The following SHC4 variants were observed in gnomAD, a reference collection of about 807,000 sequenced individuals.
The protein encoded by SHC4 is SHC adaptor protein 4, also known as SHC-transforming protein 4.
A neutral mutation model predicts 69.4 loss-of-function variants in SHC4; 41 were observed. That is an observed-to-expected ratio of 0.59 (90% CI 0.46 to 0.77). The LOEUF (loss-of-function observed/expected upper bound fraction) is 0.77, where lower values mean the gene tolerates loss of function less well. SHC4 is among the 30% of genes least tolerant of loss of function. SHC4 has a pLI of 0.00. For missense variants in SHC4, 777 were observed against 783.8 expected (o/e 0.99, Z 0.10); for synonymous variants, 318 against 299.3 (o/e 1.06, Z -0.64).
At chr15:48,861,908 T>C (rs1264607269) in intron 6 of SHC4, among the ~76,000 whole-genome samples, 1 of 152,252 alleles carries the variant, frequency 6.6e-6, no homozygotes, top group Admixed American at 6.5e-5. Flanking sequence ...TTACTACTTT[T>C]ATATTTGTTC....
chr15:48,878,208 A>G (rs573071902), intron 4 of SHC4: 3 of 1,588,804 alleles, frequency 1.9e-6, no homozygotes, highest in South Asian at 1.1e-5. Flanking sequence ...TCCGAGCTGT[A>G]TGAAGAGAGC....
At chr15:48,835,064 T>A (rs1002801038) in intron 10 of SHC4, 42 bp from the exon 11 acceptor site, 1 of 1,563,204 alleles carries the variant, frequency 6.4e-7, no homozygotes, top group Non-Finnish European at 8.7e-7. Flanking sequence ...GAGTTACCTC[T>A]TCATCCATCC....
chr15:48,858,921 A>T (rs1899383430), intron 6 of SHC4, among the ~76,000 whole-genome samples: 1 of 152,218 alleles, frequency 6.6e-6, no homozygotes, highest in African/African-American at 2.4e-5. Flanking sequence ...ATGGGCTTAA[A>T]GGAGTGCATG....
chr15:48,856,465 T>C (rs1899318502), intron 7 of SHC4, among the ~76,000 whole-genome samples: 1 of 152,190 alleles, frequency 6.6e-6, no homozygotes, highest in Admixed American at 6.5e-5. Context: ...TATTCTTGAG[T>C]ATCTCCAGCA....
intron 2 of SHC4, among the ~76,000 whole-genome samples, chr15:48,894,621 T>G (rs1900191434): frequency 6.6e-6 from 1 of 152,154 alleles, no homozygotes; most frequent in Admixed American, 6.5e-5. Flanking sequence ...CCAGATTTCC[T>G]TTTTCAGTTT....
At chr15:48,870,685 A>G (rs1024083628) in intron 5 of SHC4, among the ~76,000 whole-genome samples, 3 of 152,168 alleles carry the variant, frequency 2.0e-5, no homozygotes, top group Non-Finnish European at 2.9e-5. Context: ...CTCAAAAAAA[A>G]AAAAAGCATG....
chr15:48,913,427 C>T (rs370078738), intron 2 of SHC4, among the ~76,000 whole-genome samples: 13 of 151,998 alleles, frequency 8.6e-5, no homozygotes, highest in South Asian at 2.1e-4. Context: ...ACCGAAGGTC[C>T]GGTTTAACTC....
chr15:48,843,902 G>A (rs1263677843), intron 9 of SHC4, among the ~76,000 whole-genome samples: 6 of 151,860 alleles, frequency 4.0e-5, no homozygotes. Context: ...AGGGCTGATA[G>A]TCTCAGCAAA....
chr15:48,955,000 C>A (rs372302154), intron 1 of SHC4, among the ~76,000 whole-genome samples: 1 of 152,198 alleles, frequency 6.6e-6, no homozygotes, highest in East Asian at 1.9e-4. Context: ...GAAATGGGAA[C>A]AGCCTGTACT....
intron 6 of SHC4, among the ~76,000 whole-genome samples, chr15:48,863,259 C>T (rs1172147137): frequency 1.3e-5 from 2 of 152,020 alleles, no homozygotes; most frequent in Admixed American, 1.3e-4. Flanking sequence ...TCAATAACCA[C>T]TAGGAACATT....
At chr15:48,841,330 A>G (rs1002636748) in intron 10 of SHC4, among the ~76,000 whole-genome samples, 2 of 152,226 alleles carry the variant, frequency 1.3e-5, no homozygotes, top group Non-Finnish European at 2.9e-5. Flanking sequence ...GACATTTCCC[A>G]TTGCACAGTT....
rs1175854122 is a variant in SHC4, at chr15:48,824,503, A to T, written c.*1468T>A. The T allele has an allele frequency of 6.6e-6, 1 of 152,164 alleles. No individual in the cohort carries two copies. Among genetic ancestry groups the T allele is most frequent in the Non-Finnish European group, 1.5e-5 (1 of 68,020 alleles). The allele number at this position is 152,164 out of a possible 1,614,324, so 9.4% of individuals were successfully genotyped here. ...TACTCAAACCAAATCCACTTTTATCATCATTCCCTATATTCCAAAGTTTCA... is the reference window on the plus strand; with the variant it reads ...TACTCAAACCAAATCCACTTTTATCTTCATTCCCTATATTCCAAAGTTTCA... On this transcript the variant is annotated 3_prime_UTR_variant, in exon 12 of 12. Coordinates refer to ENST00000332408, the MANE Select transcript of SHC4 (RefSeq NM_203349.4).
intron 1 of SHC4, among the ~76,000 whole-genome samples, chr15:48,948,713 C>T (rs1901315527): frequency 6.6e-6 from 1 of 152,024 alleles, no homozygotes; most frequent in Non-Finnish European, 1.5e-5. Flanking sequence ...TGAGACCAGC[C>T]TGGGCAACAT....
intron 1 of SHC4, among the ~76,000 whole-genome samples, chr15:48,960,175 C>G (rs531330814): frequency 2.6e-5 from 4 of 152,266 alleles, no homozygotes; most frequent in Admixed American, 2.0e-4. Flanking sequence ...ATGGTGCCCC[C>G]ATTAAAAATC....
intron 1 of SHC4, among the ~76,000 whole-genome samples, chr15:48,935,131 C>T (rs1259243742): frequency 6.6e-6 from 1 of 152,102 alleles, no homozygotes; most frequent in Non-Finnish European, 1.5e-5. Flanking sequence ...AAAAGGAATC[C>T]AAACAAGCAA....
intron 1 of SHC4, chr15:48,946,503 C>G: frequency 1.2e-6 from 1 of 841,424 alleles, no homozygotes; most frequent in Non-Finnish European, 1.4e-6. Context: ...TCCTCTCCCT[C>G]TCCTCTTCCT....
At chr15:48,876,045 T>C (rs1899792365) in intron 4 of SHC4, among the ~76,000 whole-genome samples, 1 of 152,106 alleles carries the variant, frequency 6.6e-6, no homozygotes, top group Admixed American at 6.5e-5. Context: ...AGTTTTTGAG[T>C]TAAGAGAGCT....
Position 48,962,438 on chromosome 15 carries a change from C to G in SHC4, c.578G>C (p.Cys193Ser), listed in dbSNP as rs374414360. ...AGAGGAAAATGGACTTACCCTCACA[C>G]AGTAGTTCATGCCCATCCCCAACAG... ...QHLLGMGMNYCVRYMGCVEVL... is the reference protein window; with the variant it reads ...QHLLGMGMNYSVRYMGCVEVL... Residue 193 changes from cysteine (C) to serine (S), a missense_variant, in exon 1 of 12, where the codon TGT becomes TCT. Cys to Ser is a moderately radical substitution (Grantham distance 112, BLOSUM62 -1). Transcript: ENST00000332408. 1.3e-6 allele frequency: 2 copies of G among 1,518,814 alleles called. No individual in the cohort carries two copies. Among genetic ancestry groups the G allele is most frequent in the Non-Finnish European group, 1.8e-6 (2 of 1,134,626 alleles). 94.1% of individuals were successfully genotyped at this position (1,518,814 alleles called of 1,614,324 possible). A position where few individuals can be genotyped will look rare whatever the true frequency, so the allele number is the denominator to read the frequency against.
At chr15:48,956,713 C>T (rs999686559) in intron 1 of SHC4, among the ~76,000 whole-genome samples, 3 of 152,172 alleles carry the variant, frequency 2.0e-5, no homozygotes, top group African/African-American at 7.2e-5. Context: ...TTCTGCCTTA[C>T]TGGTGAAGCC....
Sources: gnomAD v4.1 joint callset for allele counts (sites outside exome capture counted in the v4.1 genomes callset) on GRCh38, gnomAD v4.1.1 for gene constraint, MANE v1.5 for transcripts, NCBI Gene and HGNC (gene_info 2026-07-23, HGNC 2026-07-21) for gene names.